The following SGO2 variants were observed in gnomAD, a reference collection of about 807,000 sequenced individuals.
The protein encoded by SGO2 is shugoshin 2.
SGO2 carries 68 observed loss-of-function variants against 99.5 expected under a neutral mutation model. The observed-to-expected ratio is 0.68, with a 90% CI of 0.56 to 0.84. The LOEUF is 0.84. Ranked by LOEUF, SGO2 falls within the 40% of genes least tolerant of loss-of-function variation. The pLI, the probability that SGO2 is intolerant of heterozygous loss-of-function variation, is 0.00. For synonymous variants in SGO2, 457 were observed against 487.1 expected (o/e 0.94, Z 0.81); for missense variants, 1,350 against 1,436.7 (o/e 0.94, Z 0.97).
intron 5 of SGO2, among the ~76,000 whole-genome samples, chr2:200,551,165 G>C (rs1212738295): frequency 6.6e-6 from 1 of 151,990 alleles, no homozygotes; most frequent in African/African-American, 2.4e-5. Flanking sequence ...GTGTATCAAA[G>C]AGCTGTCTGC....
At chr2:200,558,275 G>A (rs2106329941) in intron 5 of SGO2, among the ~76,000 whole-genome samples, 1 of 152,190 alleles carries the variant, frequency 6.6e-6, no homozygotes, top group African/African-American at 2.4e-5. Flanking sequence ...TTGGGTTTTT[G>A]TAGATTCTCT....
At chr2:200,531,772 CAAGGTG>C (rs1394412969) in intron 1 of SGO2, 1 of 152,272 alleles carries the variant, frequency 6.6e-6, no homozygotes, top group East Asian at 1.9e-4. Context: ...TTTCCCACCT[CAAGGTG>C]TATTCCCAGC....
intron 5 of SGO2, among the ~76,000 whole-genome samples, chr2:200,553,573 C>T (rs1274501485): frequency 6.6e-6 from 1 of 152,182 alleles, no homozygotes; most frequent in African/African-American, 2.4e-5. Flanking sequence ...CTTCTCTCTC[C>T]AGTATCACAT....
At chr2:200,548,220 T>C (rs2032325473) in intron 5 of SGO2, among the ~76,000 whole-genome samples, 1 of 151,506 alleles carries the variant, frequency 6.6e-6, no homozygotes, top group African/African-American at 2.4e-5. Context: ...GAATAGACCA[T>C]ATCTTAGGCA....
rs764784772 is a variant in SGO2, at chr2:200,571,875, C to G, written c.1529C>G (p.Ser510Ter). The G allele has an allele frequency of 1.9e-6, 3 of 1,613,388 alleles. No homozygotes were observed. The highest frequency in any genetic ancestry group is 2.5e-6 in the Non-Finnish European group (3 of 1,179,622). Residue 510 changes from serine to a stop codon, truncating the protein, a stop_gained, in exon 7 of 9, where the codon TCA (serine) becomes TGA (stop). Transcript: ENST00000357799. LOFTEE classifies it high-confidence loss of function. ...GAAACATACTCTTTATCCCAAAGTTCAGGTAAATTTCACCAGGAGAGTAAA... is the reference window on the plus strand; with the variant it reads ...GAAACATACTCTTTATCCCAAAGTTGAGGTAAATTTCACCAGGAGAGTAAA... ...QEETYSLSQS[S>*]GKFHQESKFD...
intron 5 of SGO2, among the ~76,000 whole-genome samples, chr2:200,562,169 C>G (rs1296344773): frequency 6.7e-6 from 1 of 149,432 alleles, no homozygotes; most frequent in Non-Finnish European, 1.5e-5. Flanking sequence ...AGGTTTTCTT[C>G]TAGGTTTTTT....
intron 2 of SGO2, among the ~76,000 whole-genome samples, chr2:200,534,399 C>G (rs2031587278): frequency 6.6e-6 from 1 of 152,042 alleles, no homozygotes; most frequent in Admixed American, 6.6e-5. Context: ...GCAGTAGATG[C>G]CTAGAAATAA....
chr2:200,539,805 CTCTT>C (rs1262506196), intron 4 of SGO2, among the ~76,000 whole-genome samples: 2 of 152,106 alleles, frequency 1.3e-5, no homozygotes, highest in Non-Finnish European at 2.9e-5. Flanking sequence ...CAGTCCTGCC[CTCTT>C]TCTCTTTCTC....
chr2:200,572,568 GTCAC>G lies in SGO2; in HGVS notation c.2229_2232del (p.Leu744PhefsTer2), dbSNP rs771476223. The G allele has an allele frequency of 1.9e-6, 3 of 1,612,042 alleles. No individual in the cohort carries two copies. Among genetic ancestry groups the G allele is most frequent in the South Asian group, 1.1e-5 (1 of 90,978 alleles). ...AAAAGTATAGAATACACAGTTAAAA[GTCAC>G]TCACTCTTTTTAACGCAAAAAGATA... On this transcript the variant is annotated frameshift_variant, in exon 7 of 9. Coordinates refer to ENST00000357799, the MANE Select transcript of SGO2 (RefSeq NM_152524.6). LOFTEE classifies it high-confidence loss of function.
chr2:200,530,693 G>C (rs1329080752), intron 1 of SGO2, among the ~76,000 whole-genome samples: 1 of 152,130 alleles, frequency 6.6e-6, no homozygotes, highest in South Asian at 2.1e-4. Context: ...AAACATAGGC[G>C]TTTGATGTTC....
chr2:200,572,344 G>C lies in SGO2; in HGVS notation c.1998G>C (p.Glu666Asp), dbSNP rs776480093. 2 of 1,610,690 alleles carry C rather than the reference G, an allele frequency of 1.2e-6. No homozygotes were observed. The highest frequency in any genetic ancestry group is 1.7e-6 in the Non-Finnish European group (2 of 1,178,942). Residue 666 changes from glutamate (E) to aspartate (D), a missense_variant, in exon 7 of 9, where the codon GAG becomes GAC. By Grantham distance (45) the Glu-to-Asp change is conservative. Coordinates refer to ENST00000357799, the MANE Select transcript of SGO2 (RefSeq NM_152524.6). ...PISENIEVSK[E>D]LQIPALSTRD... Reference sequence around the variant, plus strand: ...CTGAAAACATAGAAGTTTCCAAAGAGCTTCAAATCCCAGCTCTTTCTACTA... The same window carrying C: ...CTGAAAACATAGAAGTTTCCAAAGACCTTCAAATCCCAGCTCTTTCTACTA...
intron 5 of SGO2, among the ~76,000 whole-genome samples, chr2:200,544,504 A>G (rs1377108520): frequency 6.6e-6 from 1 of 151,856 alleles, no homozygotes; most frequent in African/African-American, 2.4e-5. Flanking sequence ...CTGATCTCCA[A>G]CTCCTGACCT....
At chr2:200,532,627 G>A (rs571971956) in intron 1 of SGO2, among the ~76,000 whole-genome samples, 2 of 152,038 alleles carry the variant, frequency 1.3e-5, no homozygotes, top group African/African-American at 4.8e-5. Flanking sequence ...TAAACTCTGT[G>A]TATATCTCTA....
chr2:200,534,168 G>A (rs995871399), intron 2 of SGO2, among the ~76,000 whole-genome samples: 2 of 152,022 alleles, frequency 1.3e-5, no homozygotes, highest in African/African-American at 2.4e-5. Flanking sequence ...ACATACACTA[G>A]ACTTTTATTC....
At chr2:200,553,953 C>T (rs527477931) in intron 5 of SGO2, among the ~76,000 whole-genome samples, 1 of 152,256 alleles carries the variant, frequency 6.6e-6, no homozygotes, top group East Asian at 1.9e-4. Flanking sequence ...CCCAATGGGC[C>T]TTTATTGGCT....
At position 200,572,704 on chromosome 2, in the gene SGO2, G is replaced by A; in HGVS notation, c.2358G>A (p.Leu786=). ...ATGATTCTGAGATTCAAAATGTTTT[G>A]GGGGTGAAACATGGCCATGATATGC... The part of the protein sequence containing the change: ...NLYDSEIQNV[L]GVKHGHDMQP... Residue 786 remains leucine, a synonymous_variant, in exon 7 of 9, where the codon TTG becomes TTA. Coordinates refer to ENST00000357799, the MANE Select transcript of SGO2 (RefSeq NM_152524.6). The A allele has an allele frequency of 6.2e-7, 1 of 1,612,538 alleles. No homozygotes were observed. The highest frequency in any genetic ancestry group is 1.7e-5 in the Admixed American group (1 of 59,804).
At position 200,535,112 on chromosome 2, in the gene SGO2, AAAG is replaced by A; in HGVS notation, c.254_256del (p.Glu85del). Reference sequence around the variant, plus strand: ...TACAACTGAAAAGATGCTATTGCAAAAAGAAGTAGAGAAACTGAATTTTGAGAA... The same window carrying A: ...TACAACTGAAAAGATGCTATTGCAAAAAGTAGAGAAACTGAATTTTGAGAA... On this transcript the variant is annotated inframe_deletion, in exon 3 of 9. Transcript: ENST00000357799. 1 of 1,550,636 alleles carries A rather than the reference AAAG, an allele frequency of 6.4e-7. No individual in the cohort carries two copies. Among genetic ancestry groups the A allele is most frequent in the East Asian group, 2.5e-5 (1 of 40,236 alleles).
In SGO2 at chr2:200,570,349, C is replaced by T. The variant is rs2033352327; in HGVS notation, c.703+457C>T. Among the ~76,000 whole-genome samples, 1 of 151,832 alleles carries T rather than the reference C, an allele frequency of 6.6e-6. No individual in the cohort carries two copies. The highest frequency in any genetic ancestry group is 2.4e-5 in the African/African-American group (1 of 41,390). On this transcript the variant is annotated intron_variant, in intron 6 of 8. Transcript: ENST00000357799. This position sits in a 1 kb window ranked among gnomAD's most constrained non-coding sequence, Gnocchi z 4.4. ...AAAGATGGCATTTACATTTTATTTACATAGTATTCCTAAATGATAATCTGT... is the reference window on the plus strand; with the variant it reads ...AAAGATGGCATTTACATTTTATTTATATAGTATTCCTAAATGATAATCTGT...
intron 8 of SGO2, chr2:200,576,110 C>G (rs745748222): frequency 4.2e-5 from 16 of 381,660 alleles, no homozygotes; most frequent in Non-Finnish European, 8.1e-5. Context: ...TCACATCTAA[C>G]AAAAAAGAAT....
Sources: gnomAD v4.1 joint callset for allele counts (sites outside exome capture counted in the v4.1 genomes callset) on GRCh38, gnomAD v4.1.1 for gene constraint, Gnocchi (gnomAD v3.1) non-coding constraint, MANE v1.5 for transcripts, NCBI Gene and HGNC (gene_info 2026-07-23, HGNC 2026-07-21) for gene names.